NDRG4: variants seen among roughly 807,000 people sequenced by gnomAD.
NDRG4 encodes the protein protein NDRG4.
NDRG4 carries 38 observed loss-of-function variants against 55.8 expected under a neutral mutation model. The ratio of observed to expected loss-of-function variants is 0.68; its 90% CI spans 0.53 to 0.89. The LOEUF (loss-of-function observed/expected upper bound fraction) is 0.89, where lower values mean the gene tolerates loss of function less well. Among genes scored for constraint, NDRG4 ranks in the 40% least tolerant of loss-of-function variants. The pLI is 0.00. For missense variants in NDRG4, 455 were observed against 468.6 expected (o/e 0.97, Z 0.27); for synonymous variants, 190 against 182.7 (o/e 1.04, Z -0.32).
At chr16:58,487,902 G>T in intron 2 of NDRG4, 1 of 1,372,262 alleles carries the variant, frequency 7.3e-7, no homozygotes, top group South Asian at 1.4e-5. Context: ...GCCACCTCGT[G>T]GCCAAGAGGG....
In NDRG4 at chr16:58,509,201, G is replaced by A; in HGVS notation, c.813+12G>A. 1 of 1,614,004 alleles carries A rather than the reference G, an allele frequency of 6.2e-7. No individual in the cohort carries two copies. Among genetic ancestry groups the A allele is most frequent in the South Asian group, 1.1e-5 (1 of 91,088 alleles). On this transcript the variant is annotated intron_variant, in intron 12 of 14. Coordinates refer to ENST00000570248, the MANE Select transcript of NDRG4 (RefSeq NM_001242835.2). ...CCCAGGTCACACAGGTGAGACTTTT[G>A]GCCCTCCTGCCCTTACATCTATGGG...
chr16:58,477,856 G>T (rs184489600), intron 1 of NDRG4, among the ~76,000 whole-genome samples: 1 of 152,116 alleles, frequency 6.6e-6, no homozygotes, highest in African/African-American at 2.4e-5. Flanking sequence ...GCTTACAAAG[G>T]GAAAAATAGT....
At chr16:58,499,874 A>G, upstream of NDRG4, 1 of 397,640 alleles carries the variant, frequency 2.5e-6, no homozygotes, top group East Asian at 5.7e-5. Flanking sequence ...TGTGAGCTGC[A>G]GCTGTTGGCG....
chr16:58,482,563 C>T (rs2034533439), intron 1 of NDRG4, among the ~76,000 whole-genome samples: 2 of 152,108 alleles, frequency 1.3e-5, no homozygotes, highest in African/African-American at 4.8e-5. Context: ...AATGTAGGAC[C>T]CCCAGTCACT....
chr16:58,471,762 C>T (rs558379721), intron 1 of NDRG4, among the ~76,000 whole-genome samples: 2 of 152,224 alleles, frequency 1.3e-5, no homozygotes, highest in South Asian at 2.1e-4. Flanking sequence ...CGGGGGTGGT[C>T]GGGCAGGTGC....
At position 58,511,805 on chromosome 16, in the gene NDRG4, C is replaced by T; in HGVS notation, c.*229C>T. 3 of 607,770 alleles carry T rather than the reference C, an allele frequency of 4.9e-6. No individual in the cohort carries two copies. The highest frequency in any genetic ancestry group is 3.0e-4 in the Middle Eastern group (1 of 3,322). The allele number at this position is 607,770 out of a possible 1,614,324, so 37.6% of individuals were successfully genotyped here. A position where few individuals can be genotyped will look rare whatever the true frequency, so the allele number is the denominator to read the frequency against. ...TCCGTGGTAACTTAGCCAACTTGAC[C>T]CCTCTCATCCCACTCCCGGCGGCCC... is the stretch of plus-strand genomic sequence containing the variant. On this transcript the variant is annotated 3_prime_UTR_variant, in exon 15 of 15. Transcript: ENST00000570248.
chr16:58,483,920 A>G (rs2151654278), intron 1 of NDRG4, among the ~76,000 whole-genome samples: 1 of 152,176 alleles, frequency 6.6e-6, no homozygotes, highest in Non-Finnish European at 1.5e-5. Flanking sequence ...AAAAGAAAAA[A>G]TAGTCGGGCT....
At chr16:58,477,349 T>C (rs2151608794) in intron 1 of NDRG4, among the ~76,000 whole-genome samples, 2 of 152,242 alleles carry the variant, frequency 1.3e-5, no homozygotes, top group Middle Eastern at 3.4e-3. Context: ...GTTGATTTCA[T>C]GGTTGAGGCA....
rs966610724 is a variant in NDRG4, at chr16:58,464,257, G to C, written c.-24+460G>C. On this transcript the variant is annotated intron_variant, in intron 1 of 15. Transcript: ENST00000258187. The surrounding 1 kb of genome is among the most constrained non-coding windows in gnomAD (Gnocchi z 4.8). ...TGGATTTTTTTAAACCGTTTTGGAG[G>C]GGGGAGCGCGGCGTTGGGGGCGGGA... 20 of 464,584 alleles carry C rather than the reference G, an allele frequency of 4.3e-5. No homozygotes were observed. Among genetic ancestry groups the C allele is most frequent in the African/African-American group, 1.4e-4 (7 of 49,380 alleles). 28.8% of individuals were successfully genotyped at this position (464,584 alleles called of 1,614,324 possible). A position where few individuals can be genotyped will look rare whatever the true frequency, so the allele number is the denominator to read the frequency against.
rs562223946 is a variant in NDRG4, at chr16:58,502,378, C to A, written c.22-1420C>A. ...GTGGTGCAATCAGCCGCATGGCTCA[C>A]CCTAAGGCTCATTACCTGGGCTCTC... On this transcript the variant is annotated intron_variant, in intron 1 of 14. Coordinates refer to ENST00000570248, the MANE Select transcript of NDRG4 (RefSeq NM_001242835.2). Among the ~76,000 whole-genome samples the A allele has an allele frequency of 6.6e-5, 10 of 152,206 alleles. No individual in the cohort carries two copies. The East Asian group carries it at 1.4e-3, about 21-fold the overall frequency.
chr16:58,471,854 A>G (rs1597058015), intron 1 of NDRG4, among the ~76,000 whole-genome samples: 1 of 152,122 alleles, frequency 6.6e-6, no homozygotes, highest in East Asian at 1.9e-4. Flanking sequence ...GACAGAGGGA[A>G]TATTTCTGGG....
At chr16:58,506,780 G>T in intron 7 of NDRG4, 132 bp from the exon 8 acceptor site, 2 of 1,154,604 alleles carry the variant, frequency 1.7e-6, no homozygotes, top group Non-Finnish European at 2.5e-6. Flanking sequence ...CCTCCTACCT[G>T]CCCCCACCCT....
chr16:58,510,615 C>T, intron 13 of NDRG4, 30 bp from the exon 14 acceptor site: 1 of 1,534,248 alleles, frequency 6.5e-7, no homozygotes, highest in Non-Finnish European at 8.7e-7. Flanking sequence ...CCCATCCCCG[C>T]CCCCTCTCCG....
chr16:58,495,028 C>T (rs2036238950), intron 3 of NDRG4: 5 of 1,612,204 alleles, frequency 3.1e-6, no homozygotes, highest in African/African-American at 1.3e-5. Flanking sequence ...GGCTCAGACC[C>T]CCAAGATGTG....
Position 58,512,965 on chromosome 16 carries a change from C to G in NDRG4, c.*1389C>G, listed in dbSNP as rs185478808. The G allele has an allele frequency of 1.2e-4, 18 of 152,762 alleles. No homozygotes were observed. The East Asian group carries it at 2.9e-3, about 25-fold the overall frequency. The allele number at this position is 152,762 out of a possible 1,614,324, so 9.5% of individuals were successfully genotyped here. A position where few individuals can be genotyped will look rare whatever the true frequency, so the allele number is the denominator to read the frequency against. On this transcript the variant is annotated 3_prime_UTR_variant, in exon 15 of 15. Coordinates refer to ENST00000570248, the MANE Select transcript of NDRG4 (RefSeq NM_001242835.2). ...GTATTTCCTCTACACACATCACCCC[C>G]CTTCTATAATCTTAAGCCATGACTA...
intron 1 of NDRG4, among the ~76,000 whole-genome samples, chr16:58,487,170 G>C (rs932704981): frequency 1.5e-4 from 23 of 152,166 alleles, no homozygotes; most frequent in African/African-American, 5.6e-4. Flanking sequence ...GCATGTAATT[G>C]TTTTAGGAAT....
chr16:58,509,170 G>A lies in NDRG4; in HGVS notation c.794G>A (p.Gly265Glu). 1 of 1,614,022 alleles carries A rather than the reference G, an allele frequency of 6.2e-7. No individual in the cohort carries two copies. The highest frequency in any genetic ancestry group is 1.1e-5 in the South Asian group (1 of 91,082). Residue 265 changes from glycine (G) to glutamate (E), a missense_variant, in exon 12 of 15, where the codon GGG becomes GAG. Gly to Glu is a moderately conservative substitution (Grantham distance 98). Transcript: ENST00000570248. ...TTFLKMADSG[G>E]LPQVTQPGKL... ...CCCTTGCAGATGGCAGACTCTGGAG[G>A]GCTGCCCCAGGTCACACAGGTGAGA...
At chr16:58,493,181 T>A (rs1272424913) in intron 2 of NDRG4, among the ~76,000 whole-genome samples, 1 of 152,260 alleles carries the variant, frequency 6.6e-6, no homozygotes, top group Non-Finnish European at 1.5e-5. Flanking sequence ...ATTTTCCTCC[T>A]TGTACTTACC....
At chr16:58,476,902 C>T (rs886450906) in intron 1 of NDRG4, among the ~76,000 whole-genome samples, 7 of 151,986 alleles carry the variant, frequency 4.6e-5, no homozygotes, top group Non-Finnish European at 7.4e-5. Context: ...TACAAAAAAA[C>T]CCCTGAATGA....
Sources: allele counts gnomAD v4.1 joint callset (sites outside exome capture counted in the v4.1 genomes callset), GRCh38; gene constraint gnomAD v4.1.1; non-coding constraint Gnocchi (gnomAD v3.1); transcripts MANE v1.5; gene names NCBI Gene and HGNC (gene_info 2026-07-23, HGNC 2026-07-21).